Variants in CS observed in about 807,000 individuals in gnomAD.
The protein encoded by CS is citrate synthase.
A neutral mutation model predicts 61.4 loss-of-function variants in CS; 13 were observed. That is an observed-to-expected ratio of 0.21 (90% confidence interval 0.14 to 0.34). CS has a LOEUF of 0.34. Ranked by LOEUF, CS falls within the 10% of genes least tolerant of loss-of-function variation. The pLI is 1.00. For missense variants in CS, 278 were observed against 573.4 expected (o/e 0.48, Z 5.26); for synonymous variants, 159 against 215.2 (o/e 0.74, Z 2.29).
intron 1 of CS, among the ~76,000 whole-genome samples, chr12:56,288,429 G>C (rs539009111): frequency 6.3e-4 from 91 of 145,252 alleles, no homozygotes; most frequent in African/African-American, 2.2e-3. Context: ...TCTGGCTCCC[G>C]TGTTCAAGTG....
chr12:56,284,060 C>T (rs552470491), intron 3 of CS, among the ~76,000 whole-genome samples: 1 of 152,032 alleles, frequency 6.6e-6, no homozygotes, highest in African/African-American at 2.4e-5. Context: ...GTGGCTGACA[C>T]CTGTAATCCC....
rs922733261 is a variant in CS at position 56,286,147 on chromosome 12, T to C, written c.94-124A>G. On this transcript the variant is annotated intron_variant, in intron 2 of 10. Transcript: ENST00000351328. ...TATCTGCCAGGGAAGTCTGGTCAAC[T>C]ACTCTGCACAAATGAGGGTAAAAGA... The C allele has an allele frequency of 1.1e-5, 8 of 704,498 alleles. No individual in the cohort carries two copies. In the African/African-American group the frequency reaches 1.4e-4, roughly 12 times the overall value. The allele number at this position is 704,498 out of a possible 1,614,324, so 43.6% of individuals were successfully genotyped here. A position where few individuals can be genotyped will look rare whatever the true frequency, so the allele number is the denominator to read the frequency against.
At chr12:56,283,590 T>C (rs778359795) in intron 4 of CS, among the ~76,000 whole-genome samples, 1 of 152,204 alleles carries the variant, frequency 6.6e-6, no homozygotes, top group Admixed American at 6.5e-5. Flanking sequence ...AACTTACCTC[T>C]GGTTTTGTAC....
At position 56,286,635 on chromosome 12, in the gene CS, C is replaced by G; in HGVS notation, c.53G>C (p.Cys18Ser). 3.1e-6 allele frequency: 5 copies of G among 1,614,012 alleles called. No individual in the cohort carries two copies. The African/African-American group carries it at 5.3e-5, about 17-fold the overall frequency. ...ARLLGTKNASCLVLAARHASA... is the reference protein window; with the variant it reads ...ARLLGTKNASSLVLAARHASA... ...GGCATGCCGGGCTGCAAGAACAAGA[C>G]AAGATGCATTCTGCAAAGCAAAAAA... The change falls in exon 2 of 11, where the codon TGT (cysteine) becomes TCT (serine). Residue 18 changes from cysteine (C) to serine (S), a missense_variant. Physicochemically the swap from Cys to Ser is moderately radical, Grantham distance 112 (BLOSUM62 -1). Coordinates refer to ENST00000351328, the MANE Select transcript of CS (RefSeq NM_004077.3).
intron 6 of CS, among the ~76,000 whole-genome samples, chr12:56,276,410 G>A (rs1183848613): frequency 6.6e-6 from 1 of 152,168 alleles, no homozygotes; most frequent in Non-Finnish European, 1.5e-5. Context: ...TAAGTGATTT[G>A]TAATACTATC....
At chr12:56,280,821 G>A (rs1872759685) in intron 6 of CS, among the ~76,000 whole-genome samples, 1 of 152,040 alleles carries the variant, frequency 6.6e-6, no homozygotes, top group African/African-American at 2.4e-5. Flanking sequence ...ACCACCTAAA[G>A]TGTTTATAAA....
At chr12:56,276,313 T>C (rs1872622914) in intron 6 of CS, 118 bp from the exon 7 acceptor site, 3 of 817,556 alleles carry the variant, frequency 3.7e-6, no homozygotes, top group Non-Finnish European at 6.0e-6. Flanking sequence ...GTTAGTTATA[T>C]GATGGGTTGT....
intron 1 of CS, chr12:56,291,257 G>A (rs1218422453): frequency 1.8e-6 from 2 of 1,115,792 alleles, no homozygotes; most frequent in African/African-American, 3.4e-5. Flanking sequence ...TGGATCCCAG[G>A]AAAGAGGCAG....
chr12:56,296,814 C>T (rs1444039533), intron 1 of CS, among the ~76,000 whole-genome samples: 2 of 152,160 alleles, frequency 1.3e-5, no homozygotes, highest in African/African-American at 4.8e-5. Context: ...CCCCATAAGG[C>T]TTCCCCTGCC....
intron 7 of CS, chr12:56,275,580 A>C: frequency 5.0e-6 from 1 of 201,246 alleles, no homozygotes; most frequent in East Asian, 1.3e-4. Flanking sequence ...AAAAAAAAAA[A>C]AAAAAAAAAG....
At chr12:56,300,061 G>GGGTGCGCAC in intron 1 of CS, 99 bp downstream of exon 1, 1 of 1,210,182 alleles carries the variant, frequency 8.3e-7, no homozygotes, top group South Asian at 1.4e-5. Context: ...AAGGCGCGCA[G>GGGTGCGCAC]GGTGCGCACG....
chr12:56,295,094 C>CTT (rs113506359), intron 1 of CS, among the ~76,000 whole-genome samples: 5 of 141,680 alleles, frequency 3.5e-5, no homozygotes, highest in South Asian at 2.3e-4. Flanking sequence ...ATTTAATGAA[C>CTT]TTTTTTTTTT....
chr12:56,296,256 T>G (rs912395623), intron 1 of CS, among the ~76,000 whole-genome samples: 7 of 151,790 alleles, frequency 4.6e-5, no homozygotes, highest in Admixed American at 3.9e-4. Flanking sequence ...AGCCCAGGAG[T>G]TCGAAACCAG....
rs1592417149 is a variant in CS, at chr12:56,300,225, T to G, written c.-24A>C. 3 of 1,550,652 alleles carry G rather than the reference T, an allele frequency of 1.9e-6. No homozygotes were observed. Among genetic ancestry groups the G allele is most frequent in the Non-Finnish European group, 2.6e-6 (3 of 1,149,530 alleles). ...ATGGCGGGCGATCTCCGGGATCTGG[T>G]GGGGAGGTAAGAAAGGGAGAGAGCT... On this transcript the variant is annotated 5_prime_UTR_variant, in exon 1 of 11. Transcript: ENST00000351328.
chr12:56,300,123 A>C (rs34457402), intron 1 of CS, 37 bp downstream of exon 1: 35,375 of 1,548,330 alleles, frequency 0.023, 476 homozygotes, highest in Non-Finnish European at 0.027. Flanking sequence ...CCTCAGCCCC[A>C]CCCTGGGACG....
intron 6 of CS, among the ~76,000 whole-genome samples, chr12:56,280,182 G>A (rs1466709034): frequency 6.6e-6 from 1 of 151,946 alleles, no homozygotes; most frequent in Non-Finnish European, 1.5e-5. Flanking sequence ...TTGGGAGGCC[G>A]AGGTGGGCAG....
intron 1 of CS, chr12:56,299,860 A>G (rs865960356): frequency 1.5e-4 from 54 of 348,598 alleles, no homozygotes; most frequent in Non-Finnish European, 2.1e-4. Flanking sequence ...TTGCTATTTC[A>G]GGGCCACGCA....
At chr12:56,295,469 C>T (rs1294975240) in intron 1 of CS, among the ~76,000 whole-genome samples, 6 of 150,770 alleles carry the variant, frequency 4.0e-5, no homozygotes, top group East Asian at 2.0e-4. Flanking sequence ...TGCAGTGAGC[C>T]GAGATCACAC....
At chr12:56,284,245 G>A (rs1260591624) in intron 3 of CS, among the ~76,000 whole-genome samples, 1 of 137,970 alleles carries the variant, frequency 7.2e-6, no homozygotes, top group African/African-American at 2.7e-5. Flanking sequence ...CTTGAACCCA[G>A]AAGGCAGAGA....
Sources: allele counts gnomAD v4.1 joint callset (sites outside exome capture counted in the v4.1 genomes callset), GRCh38; gene constraint gnomAD v4.1.1; transcripts MANE v1.5; gene names NCBI Gene and HGNC (gene_info 2026-07-23, HGNC 2026-07-21).